NRCAM: variants seen among roughly 807,000 people sequenced by gnomAD.
NRCAM encodes the protein neuronal cell adhesion molecule.
NRCAM carries 83 observed loss-of-function variants against 156.5 expected under a neutral mutation model. The ratio of observed to expected loss-of-function variants is 0.53; its 90% CI spans 0.44 to 0.64. NRCAM has a LOEUF of 0.64. NRCAM is among the 30% of genes least tolerant of loss of function. The pLI is 0.00. For synonymous variants in NRCAM, 538 were observed against 563.9 expected, an observed-to-expected ratio of 0.95 and a Z score of 0.65; for missense variants, 1,417 against 1,597.3, an observed-to-expected ratio of 0.89 and a Z score of 1.92.
At chr7:108,156,286 T>C (rs2045434780) in intron 32 of NRCAM, 4 of 985,106 alleles carry the variant, frequency 4.1e-6, no homozygotes, top group Non-Finnish European at 4.8e-6. Flanking sequence ...CCACCAATTA[T>C]GTAGTAAGTT....
At chr7:108,232,837 A>G (rs544375650) in intron 6 of NRCAM, among the ~76,000 whole-genome samples, 31 of 152,282 alleles carry the variant, frequency 2.0e-4, no homozygotes, top group African/African-American at 7.5e-4. Flanking sequence ...ACACTCTCTT[A>G]GAGCTTTATT....
chr7:108,229,114 C>A (rs1260002027), intron 8 of NRCAM, among the ~76,000 whole-genome samples: 1 of 152,134 alleles, frequency 6.6e-6, no homozygotes, highest in Non-Finnish European at 1.5e-5. Flanking sequence ...AATTCATTCC[C>A]ACCATTCCAC....
At chr7:108,399,757 T>A (rs2099786640) in intron 1 of NRCAM, among the ~76,000 whole-genome samples, 164 bp from the exon 2 acceptor site, 2 of 152,228 alleles carry the variant, frequency 1.3e-5, no homozygotes, top group African/African-American at 4.8e-5. Context: ...CTTAATGACA[T>A]CAATGTCTAA....
intron 3 of NRCAM, among the ~76,000 whole-genome samples, chr7:108,266,292 GA>G (rs1323543997): frequency 6.6e-6 from 1 of 152,132 alleles, no homozygotes; most frequent in African/African-American, 2.4e-5. Flanking sequence ...AGTCTAGTAG[GA>G]CCATTTCCTA....
intron 1 of NRCAM, among the ~76,000 whole-genome samples, chr7:108,440,759 A>T (rs1416278585): frequency 3.3e-5 from 5 of 152,200 alleles, no homozygotes; most frequent in Admixed American, 6.5e-5. Context: ...TTATTCACCC[A>T]AAGGTCAGAA....
At chr7:108,447,328 C>T (rs1416711158) in intron 1 of NRCAM, among the ~76,000 whole-genome samples, 1 of 139,992 alleles carries the variant, frequency 7.1e-6, no homozygotes, top group Non-Finnish European at 1.5e-5. Flanking sequence ...TGCAGTGGCA[C>T]AATCTTGGCT....
At chr7:108,187,320 C>T (rs980836248) in intron 20 of NRCAM, among the ~76,000 whole-genome samples, 1 of 152,190 alleles carries the variant, frequency 6.6e-6, no homozygotes, top group African/African-American at 2.4e-5. Context: ...CCTCACTTTC[C>T]CTTTTTCATT....
chr7:108,384,838 G>A (rs1198016474), intron 2 of NRCAM, among the ~76,000 whole-genome samples: 1 of 152,182 alleles, frequency 6.6e-6, no homozygotes, highest in Non-Finnish European at 1.5e-5. Flanking sequence ...ATCACATTAG[G>A]ATTTGGAAGT....
At chr7:108,370,318 G>A (rs970308007) in intron 2 of NRCAM, among the ~76,000 whole-genome samples, 24 of 152,210 alleles carry the variant, frequency 1.6e-4, no homozygotes, top group African/African-American at 4.8e-4. Flanking sequence ...TATTTGGAGG[G>A]CTTTCTTTGC....
At chr7:108,417,791 A>C (rs1306770513) in intron 1 of NRCAM, among the ~76,000 whole-genome samples, 1 of 151,898 alleles carries the variant, frequency 6.6e-6, no homozygotes, top group Non-Finnish European at 1.5e-5. Context: ...TGCAAGTTAC[A>C]GAGGTGACAC....
At chr7:108,279,371 A>G (rs772791724) in intron 3 of NRCAM, among the ~76,000 whole-genome samples, 12 of 152,190 alleles carry the variant, frequency 7.9e-5, no homozygotes, top group African/African-American at 2.9e-4. Context: ...AGTTTGTTTC[A>G]TGTGCCTTTA....
intron 2 of NRCAM, among the ~76,000 whole-genome samples, chr7:108,384,820 A>G (rs959825990): frequency 6.6e-6 from 1 of 152,324 alleles, no homozygotes; most frequent in East Asian, 1.9e-4. Flanking sequence ...AGTGCCTACT[A>G]TTGGTTCATC....
intron 2 of NRCAM, among the ~76,000 whole-genome samples, chr7:108,352,286 T>C (rs1157294108): frequency 1.3e-5 from 2 of 152,214 alleles, no homozygotes; most frequent in African/African-American, 4.8e-5. Context: ...AGGGTTGTAA[T>C]GTTTCCCCAG....
chr7:108,231,947 G>A (rs1211361072), intron 7 of NRCAM, among the ~76,000 whole-genome samples: 1 of 152,092 alleles, frequency 6.6e-6, no homozygotes, highest in Non-Finnish European at 1.5e-5. Context: ...AAACAAAAAT[G>A]TTTAAAGAAA....
chr7:108,422,724 G>A (rs1443187482), intron 1 of NRCAM, among the ~76,000 whole-genome samples: 3 of 152,150 alleles, frequency 2.0e-5, no homozygotes, highest in Non-Finnish European at 4.4e-5. Context: ...TTGAGAAGGT[G>A]CTTAATAAAA....
chr7:108,172,246 T>G (rs1199103148), intron 28 of NRCAM, among the ~76,000 whole-genome samples: 1 of 151,956 alleles, frequency 6.6e-6, no homozygotes, highest in Non-Finnish European at 1.5e-5. Flanking sequence ...CTTCACAGTC[T>G]ACTTCCTAGA....
At chr7:108,299,138 GA>G (rs1298765761) in intron 3 of NRCAM, among the ~76,000 whole-genome samples, 24 of 81,826 alleles carry the variant, frequency 2.9e-4, no homozygotes, top group East Asian at 7.0e-4. Context: ...AAGAAAGAAA[GA>G]AAAGAAAAGT....
At chr7:108,174,808 C>T (rs150385533) in intron 28 of NRCAM, among the ~76,000 whole-genome samples, 30 of 152,358 alleles carry the variant, frequency 2.0e-4, no homozygotes, top group Non-Finnish European at 8.8e-5. Flanking sequence ...CTCGGGGAGA[C>T]TTAGTCCCAA....
At chr7:108,292,354 G>A (rs2098326792) in intron 3 of NRCAM, among the ~76,000 whole-genome samples, 2 of 151,974 alleles carry the variant, frequency 1.3e-5, no homozygotes, top group Admixed American at 6.6e-5. Context: ...CTTTACTTGT[G>A]AAAAAACGGT....
Sources: gnomAD v4.1 joint callset for allele counts (sites outside exome capture counted in the v4.1 genomes callset) on GRCh38, gnomAD v4.1.1 for gene constraint, MANE v1.5 for transcripts, NCBI Gene and HGNC (gene_info 2026-07-23, HGNC 2026-07-21) for gene names.